The following SPMIP2 variants were observed in gnomAD, a reference collection of about 807,000 sequenced individuals.
The protein encoded by SPMIP2 is protein SPMIP2.
chr4:158,987,607 C>T, the SPMIP2 span, among the ~76,000 whole-genome samples: 3 of 151,770 alleles, frequency 2.0e-5, no homozygotes, highest in South Asian at 2.1e-4. Flanking sequence ...GAAAGGGGAA[C>T]AACACACTCT....
chr4:158,965,442 T>C, the SPMIP2 span, among the ~76,000 whole-genome samples: 1 of 152,178 alleles, frequency 6.6e-6, no homozygotes, highest in African/African-American at 2.4e-5. Context: ...CTATGTGTGC[T>C]CAGTGCAGAG....
chr4:159,007,999 G>T, the SPMIP2 span, among the ~76,000 whole-genome samples: 3 of 152,018 alleles, frequency 2.0e-5, no homozygotes, highest in South Asian at 2.1e-4. Context: ...CTACTTGGGA[G>T]GCTGGGGTGG....
At chr4:159,019,753 C>T in the SPMIP2 span, among the ~76,000 whole-genome samples, 4,027 of 152,124 alleles carry the variant, frequency 0.026, 170 homozygotes, top group African/African-American at 0.089. Flanking sequence ...GTTTTGCTGA[C>T]CTGGACAACA....
At chr4:158,909,915 G>A in the SPMIP2 span, among the ~76,000 whole-genome samples, 8 of 152,184 alleles carry the variant, frequency 5.3e-5, no homozygotes, top group Admixed American at 3.9e-4. Context: ...GGTGGCACGC[G>A]CCTGTAGTCC....
the SPMIP2 span, among the ~76,000 whole-genome samples, chr4:158,984,963 C>T: frequency 6.6e-6 from 1 of 151,988 alleles, no homozygotes; most frequent in African/African-American, 2.4e-5. Context: ...CACCACCGAT[C>T]CCATAGAAAT....
the SPMIP2 span, among the ~76,000 whole-genome samples, chr4:158,988,446 A>C: frequency 6.6e-6 from 1 of 151,340 alleles, no homozygotes; most frequent in African/African-American, 2.4e-5. Flanking sequence ...CAAAAAAAGA[A>C]AAAGGCCAAT....
At chr4:159,060,216 C>G in the SPMIP2 span, among the ~76,000 whole-genome samples, 1 of 152,128 alleles carries the variant, frequency 6.6e-6, no homozygotes, top group African/African-American at 2.4e-5. Context: ...AGAATTGGAA[C>G]TTTAGTGAGG....
the SPMIP2 span, among the ~76,000 whole-genome samples, chr4:159,008,490 A>G: frequency 6.6e-6 from 1 of 152,094 alleles, no homozygotes; most frequent in South Asian, 2.1e-4. Context: ...AATCACTTGA[A>G]CCCGGGAGGC....
At chr4:158,978,412 C>G in the SPMIP2 span, among the ~76,000 whole-genome samples, 1 of 152,180 alleles carries the variant, frequency 6.6e-6, no homozygotes, top group Admixed American at 6.5e-5. Flanking sequence ...GTGGAGAGTT[C>G]TGTAGATGTC....
the SPMIP2 span, among the ~76,000 whole-genome samples, chr4:158,964,498 A>T: frequency 7.2e-5 from 11 of 152,364 alleles, no homozygotes; most frequent in East Asian, 7.7e-4. Context: ...AATTTGTGGT[A>T]ATTTGTTACG....
the SPMIP2 span, among the ~76,000 whole-genome samples, chr4:159,037,177 T>A: frequency 5.3e-5 from 8 of 152,182 alleles, no homozygotes; most frequent in Non-Finnish European, 1.0e-4. Context: ...CAAACTTTAA[T>A]CTGTTGTAGG....
the SPMIP2 span, among the ~76,000 whole-genome samples, chr4:158,954,182 AT>A: frequency 2.0e-5 from 3 of 152,120 alleles, no homozygotes; most frequent in Non-Finnish European, 2.9e-5. Context: ...TACTCCCATA[AT>A]TCCCATGTGT....
the SPMIP2 span, among the ~76,000 whole-genome samples, chr4:159,079,838 G>C: frequency 2.0e-5 from 3 of 151,972 alleles, no homozygotes; most frequent in Non-Finnish European, 4.4e-5. Context: ...AAATGGGTTT[G>C]AGGAGAGTGT....
At chr4:159,018,857 G>A in the SPMIP2 span, among the ~76,000 whole-genome samples, 1 of 152,210 alleles carries the variant, frequency 6.6e-6, no homozygotes, top group African/African-American at 2.4e-5. Flanking sequence ...TTGGGAGGCT[G>A]TGGCAGGCGG....
chr4:158,919,027 T>C, the SPMIP2 span, among the ~76,000 whole-genome samples: 1 of 152,222 alleles, frequency 6.6e-6, no homozygotes. Context: ...CTGAAGCTTA[T>C]AGAAAAGTTG....
chr4:159,015,702 C>T, the SPMIP2 span, among the ~76,000 whole-genome samples: 4 of 152,140 alleles, frequency 2.6e-5, no homozygotes, highest in Admixed American at 6.5e-5. Flanking sequence ...AATATCACTT[C>T]TCGGCCTTTT....
chr4:158,932,296 T>C, the SPMIP2 span, among the ~76,000 whole-genome samples: 9 of 152,142 alleles, frequency 5.9e-5, no homozygotes, highest in Admixed American at 5.9e-4. Flanking sequence ...CAAAACCCCA[T>C]CTCTATGAAA....
the SPMIP2 span, among the ~76,000 whole-genome samples, chr4:158,978,092 G>A: frequency 6.6e-6 from 1 of 152,194 alleles, no homozygotes; most frequent in Non-Finnish European, 1.5e-5. Context: ...TGCTTTACCT[G>A]TGTCCCAGAG....
chr4:158,957,994 GTTAT>G, the SPMIP2 span, among the ~76,000 whole-genome samples: 27 of 152,212 alleles, frequency 1.8e-4, no homozygotes, highest in African/African-American at 5.1e-4. Context: ...ATGGTCTGTT[GTTAT>G]TTATTTTTTA....
Sources: allele counts gnomAD v4.1 joint callset (sites outside exome capture counted in the v4.1 genomes callset), GRCh38; gene constraint gnomAD v4.1.1; transcripts MANE v1.5; gene names NCBI Gene and HGNC (gene_info 2026-07-23, HGNC 2026-07-21).